PVT1: variants seen among roughly 807,000 people sequenced by gnomAD.
The protein encoded by PVT1 is CXCR4/PVT1 fusion.
chr8:127,990,487 C>T (rs1402976983), intron 4 of PVT1, among the ~76,000 whole-genome samples: 1 of 151,860 alleles, frequency 6.6e-6, no homozygotes, highest in East Asian at 1.9e-4. Context: ...AGGTCAGTTG[C>T]AATTTTTTTT....
intron 2 of PVT1, among the ~76,000 whole-genome samples, chr8:127,858,207 A>G (rs2129745910): frequency 6.6e-6 from 1 of 152,270 alleles, no homozygotes; most frequent in East Asian, 1.9e-4. Context: ...CCGGTCCAAC[A>G]TGGTGAAATA....
chr8:127,868,777 A>ATG (rs1372077026), intron 2 of PVT1, among the ~76,000 whole-genome samples: 4 of 63,394 alleles, frequency 6.3e-5, no homozygotes, highest in African/African-American at 1.7e-4. Context: ...TAACATATAT[A>ATG]TATATATATA....
intron 4 of PVT1, among the ~76,000 whole-genome samples, chr8:128,054,336 G>A (rs1156809000): frequency 6.6e-6 from 1 of 152,198 alleles, no homozygotes; most frequent in Non-Finnish European, 1.5e-5. Flanking sequence ...TTGAAAGGAG[G>A]TTGCTATGGC....
rs1022001017 is a variant in PVT1, at chr8:128,088,862, G to A, written n.1115-7656G>A. On this transcript the variant is annotated intron_variant and non_coding_transcript_variant, in intron 5 of 10. Transcript: ENST00000651587. Reference sequence around the variant, plus strand: ...GCTAGTTGTGTAGACCAGCGGTTTCGGGAGAGAATGTAGTCTTCACTCTGC... The same window carrying A: ...GCTAGTTGTGTAGACCAGCGGTTTCAGGAGAGAATGTAGTCTTCACTCTGC... Among the ~76,000 whole-genome samples, 14 of 152,196 alleles carry A rather than the reference G, an allele frequency of 9.2e-5. No homozygotes were observed. In the South Asian group the frequency reaches 1.7e-3, roughly 18 times the overall value.
In PVT1 at chr8:128,007,753, G is replaced by A. The variant is rs77708078; in HGVS notation, n.912+18462G>A. 3.5e-3 allele frequency among the ~76,000 whole-genome samples: 539 copies of A among 152,322 alleles called. 4 individuals are homozygous for A. Among genetic ancestry groups the A allele is most frequent in the African/African-American group, 0.013 (522 of 41,566 alleles). On this transcript the variant is annotated intron_variant and non_coding_transcript_variant, in intron 4 of 10. Transcript: ENST00000651587. Reference sequence around the variant, plus strand: ...TGTATGCATGAGTGTGATTCTACACGTGTAGGTTTAGGTTTGATGTACTCC... The same window carrying A: ...TGTATGCATGAGTGTGATTCTACACATGTAGGTTTAGGTTTGATGTACTCC...
intron 3 of PVT1, among the ~76,000 whole-genome samples, chr8:127,943,649 G>T (rs1816380621): frequency 6.6e-6 from 1 of 152,130 alleles, no homozygotes; most frequent in African/African-American, 2.4e-5. Context: ...TCCAGACATT[G>T]CCACATGTTC....
chr8:127,890,314 GC>G (rs944184010), intron 2 of PVT1, among the ~76,000 whole-genome samples: 8 of 152,110 alleles, frequency 5.3e-5, no homozygotes, highest in African/African-American at 1.4e-4. Flanking sequence ...TATAATGGAT[GC>G]CCCCCAGCCT....
chr8:128,100,137 C>CCCTT (rs796473962), intron 6 of PVT1, among the ~76,000 whole-genome samples: 2 of 144,782 alleles, frequency 1.4e-5, no homozygotes, highest in African/African-American at 2.6e-5. Flanking sequence ...ATCCCTCCCT[C>CCCTT]CCTTCCTTCC....
chr8:128,098,448 C>T (rs1364175746), intron 6 of PVT1, among the ~76,000 whole-genome samples: 2 of 152,130 alleles, frequency 1.3e-5, no homozygotes, highest in Non-Finnish European at 2.9e-5. Flanking sequence ...TGTCCCCTCC[C>T]CACCCCACCA....
intron 4 of PVT1, among the ~76,000 whole-genome samples, chr8:128,018,921 T>G (rs980782874): frequency 3.3e-5 from 5 of 152,248 alleles, no homozygotes; most frequent in African/African-American, 1.2e-4. Flanking sequence ...TTCATAATGG[T>G]TGCAGCAGAT....
intron 4 of PVT1, among the ~76,000 whole-genome samples, chr8:128,016,732 T>C (rs756739693): frequency 2.0e-5 from 3 of 152,162 alleles, no homozygotes; most frequent in Non-Finnish European, 4.4e-5. Context: ...ACACTCACAA[T>C]TGAATAAGCT....
At chr8:128,071,429 C>T (rs915135959) in intron 5 of PVT1, among the ~76,000 whole-genome samples, 55 of 152,130 alleles carry the variant, frequency 3.6e-4, no homozygotes, top group Middle Eastern at 3.4e-3. Flanking sequence ...TGCCTGTAAT[C>T]CCAGAACTTT....
intron 3 of PVT1, among the ~76,000 whole-genome samples, chr8:127,911,396 G>A (rs1815895949): frequency 6.6e-6 from 1 of 152,202 alleles, no homozygotes; most frequent in Non-Finnish European, 1.5e-5. Context: ...GCAGGTCGGA[G>A]TGGCCGCCGG....
chr8:127,851,218 T>C (rs1815104156), intron 2 of PVT1, among the ~76,000 whole-genome samples: 1 of 152,174 alleles, frequency 6.6e-6, no homozygotes, highest in African/African-American at 2.4e-5. Flanking sequence ...GGCTTGTTTG[T>C]CACATGGCCT....
chr8:128,062,622 G>GA (rs935573542), intron 4 of PVT1, among the ~76,000 whole-genome samples: 3 of 152,104 alleles, frequency 2.0e-5, no homozygotes, highest in Non-Finnish European at 4.4e-5. Flanking sequence ...TTGTAGGCTA[G>GA]AAAAAATATG....
intron 4 of PVT1, among the ~76,000 whole-genome samples, chr8:128,067,685 C>T (rs578238617): frequency 1.7e-3 from 261 of 152,214 alleles, no homozygotes; most frequent in Non-Finnish European, 3.5e-4. Flanking sequence ...GTGGAGATCC[C>T]AACCCAGGCC....
chr8:127,817,675 A>T, intron 2 of PVT1, among the ~76,000 whole-genome samples: 1 of 148,904 alleles, frequency 6.7e-6, no homozygotes, highest in Non-Finnish European at 1.5e-5. Flanking sequence ...TGAGCTCAGG[A>T]GTGGGAAACC....
At chr8:127,884,624 G>A (rs921605798) in intron 2 of PVT1, among the ~76,000 whole-genome samples, 1 of 152,192 alleles carries the variant, frequency 6.6e-6, no homozygotes, top group Non-Finnish European at 1.5e-5. Context: ...CCACATCAAA[G>A]CCAATTATTG....
chr8:127,811,930 A>G (rs1162591673), intron 2 of PVT1, among the ~76,000 whole-genome samples: 2 of 152,024 alleles, frequency 1.3e-5, no homozygotes, highest in African/African-American at 4.8e-5. Context: ...GCAGTGAACA[A>G]TTATAGCAAA....
Sources: gnomAD v4.1 joint callset for allele counts (sites outside exome capture counted in the v4.1 genomes callset) on GRCh38, gnomAD v4.1.1 for gene constraint, MANE v1.5 for transcripts, NCBI Gene and HGNC (gene_info 2026-07-23, HGNC 2026-07-21) for gene names.